The following FBXW8 variants were observed in gnomAD, a reference collection of about 807,000 sequenced individuals.
FBXW8 encodes F-box and WD repeat domain containing 8.
FBXW8 carries 57 observed loss-of-function variants against 65.3 expected under a neutral mutation model. The ratio of observed to expected loss-of-function variants is 0.87; its 90% CI spans 0.71 to 1.09. The LOEUF (loss-of-function observed/expected upper bound fraction) is 1.09. Among genes scored for constraint, FBXW8 ranks in the 50% least tolerant of loss-of-function variants. The pLI, the probability that FBXW8 is intolerant of heterozygous loss-of-function variation, is 0.00. For missense variants in FBXW8, 777 were observed against 814.8 expected (o/e 0.95, Z 0.57); for synonymous variants, 308 against 330.2 (o/e 0.93, Z 0.73).
chr12:116,926,165 C>G (rs1369148548), intron 1 of FBXW8, among the ~76,000 whole-genome samples: 1 of 152,182 alleles, frequency 6.6e-6, no homozygotes, highest in African/African-American at 2.4e-5. Context: ...GCATCAAGTC[C>G]AGACACCAGT....
At chr12:116,978,746 T>C (rs1245419721) in intron 5 of FBXW8, 2 of 152,198 alleles carry the variant, frequency 1.3e-5, no homozygotes, top group African/African-American at 4.8e-5. Flanking sequence ...TTCGAAACTG[T>C]TAACCTGTTT....
rs143228055 is a variant in FBXW8, at chr12:116,926,924, T to C, written c.319-1099T>C. ...GTCTAAATCAGTGCTTGGACTCCCT[T>C]AAAAACATTGAGGTGATTTTTTTTT... On this transcript the variant is annotated intron_variant, in intron 1 of 10. Transcript: ENST00000652555. 3.3e-5 allele frequency among the ~76,000 whole-genome samples: 5 copies of C among 152,290 alleles called. No individual in the cohort carries two copies. In the East Asian group the frequency reaches 7.7e-4, roughly 23 times the overall value.
intron 8 of FBXW8, among the ~76,000 whole-genome samples, chr12:117,022,356 A>G (rs559218453): frequency 1.8e-5 from 2 of 113,690 alleles, no homozygotes; most frequent in South Asian, 6.6e-4. Flanking sequence ...AGAAACTATT[A>G]AAAAAAAAAA....
At chr12:116,956,179 C>A (rs1274854605) in intron 4 of FBXW8, among the ~76,000 whole-genome samples, 1 of 152,038 alleles carries the variant, frequency 6.6e-6, no homozygotes, top group Admixed American at 6.6e-5. Context: ...AATATTTTCT[C>A]CCCTGGTTTC....
At position 117,028,110 on chromosome 12, in the gene FBXW8, T is replaced by G; in HGVS notation, c.1735T>G (p.Cys579Gly). ...QSPLPVCRSS[C>G]DAMATHYYDL... Reference sequence around the variant, plus strand: ...CCCTCTCCCTGTCTGCCGTTCATCCTGTGACGCCATGGCCACTCACTACTA... The same window carrying G: ...CCCTCTCCCTGTCTGCCGTTCATCCGGTGACGCCATGGCCACTCACTACTA... The change falls in exon 11 of 11, where the codon TGT (cysteine) becomes GGT (glycine). Residue 579 changes from cysteine to glycine, a missense_variant. Physicochemically the swap from Cys to Gly is radical, Grantham distance 159. Transcript: ENST00000652555. The surrounding 1 kb of genome is among the most constrained non-coding windows in gnomAD (Gnocchi z 4.1). 1 of 1,614,196 alleles carries G rather than the reference T, an allele frequency of 6.2e-7. No individual in the cohort carries two copies. Among genetic ancestry groups the G allele is most frequent in the Non-Finnish European group, 8.5e-7 (1 of 1,180,022 alleles).
At chr12:116,999,361 A>G (rs10161456) in intron 7 of FBXW8, among the ~76,000 whole-genome samples, 4,213 of 152,268 alleles carry the variant, frequency 0.028, 174 homozygotes, top group African/African-American at 0.093. Context: ...ACTGGCCCCA[A>G]ACTGAATTCC....
chr12:116,984,457 A>G (rs941458479), intron 5 of FBXW8, among the ~76,000 whole-genome samples: 5 of 152,214 alleles, frequency 3.3e-5, no homozygotes, highest in Non-Finnish European at 7.3e-5. Context: ...GGGATATTGA[A>G]GCACAGGTTT....
At chr12:116,982,301 G>A (rs1260404820) in intron 5 of FBXW8, among the ~76,000 whole-genome samples, 1 of 152,172 alleles carries the variant, frequency 6.6e-6, no homozygotes, top group African/African-American at 2.4e-5. Context: ...GAAAAGATGG[G>A]AGAAGTTCTG....
intron 2 of FBXW8, among the ~76,000 whole-genome samples, chr12:116,934,438 CT>C (rs74848079): frequency 0.029 from 4,352 of 152,108 alleles, 181 homozygotes; most frequent in East Asian, 0.19. Context: ...TTATGTTCAT[CT>C]TTTTTTGTGC....
At chr12:117,018,641 A>G (rs908084263) in intron 8 of FBXW8, among the ~76,000 whole-genome samples, 1 of 152,252 alleles carries the variant, frequency 6.6e-6, no homozygotes, top group Non-Finnish European at 1.5e-5. Flanking sequence ...AGATGTCAGA[A>G]AAATGTTTTT....
intron 4 of FBXW8, among the ~76,000 whole-genome samples, chr12:116,955,585 C>T (rs1425539023): frequency 6.6e-6 from 1 of 152,186 alleles, no homozygotes; most frequent in African/African-American, 2.4e-5. Flanking sequence ...GCTCAGGAAA[C>T]ATGTCTTTTG....
chr12:116,995,402 G>A (rs1953351715), intron 7 of FBXW8, among the ~76,000 whole-genome samples: 1 of 152,158 alleles, frequency 6.6e-6, no homozygotes, highest in African/African-American at 2.4e-5. Context: ...CTGTGGAGTT[G>A]TGTTGAGCCA....
At chr12:117,003,335 C>T (rs141628750) in intron 7 of FBXW8, among the ~76,000 whole-genome samples, 9 of 152,342 alleles carry the variant, frequency 5.9e-5, no homozygotes, top group Non-Finnish European at 8.8e-5. Flanking sequence ...TCCAAAGGAG[C>T]TTCTGTTCCT....
intron 6 of FBXW8, chr12:116,986,488 C>CGTG (rs1309673319): frequency 6.6e-6 from 1 of 152,038 alleles, no homozygotes; most frequent in Non-Finnish European, 1.5e-5. Flanking sequence ...ATTAGCCGGG[C>CGTG]GTGGTGGTGG....
At chr12:117,005,790 G>C (rs1953660081) in intron 7 of FBXW8, among the ~76,000 whole-genome samples, 1 of 152,234 alleles carries the variant, frequency 6.6e-6, no homozygotes, top group South Asian at 2.1e-4. Context: ...TCTGGCCTCT[G>C]ATCACAACTT....
intron 2 of FBXW8, among the ~76,000 whole-genome samples, chr12:116,939,811 C>G (rs1328717420): frequency 1.3e-5 from 2 of 152,196 alleles, no homozygotes; most frequent in African/African-American, 4.8e-5. Flanking sequence ...TGCTCTGGGA[C>G]TACTCAGGTT....
chr12:117,027,676 G>C (rs550390088), intron 10 of FBXW8, among the ~76,000 whole-genome samples, 172 bp downstream of exon 10: 1 of 152,124 alleles, frequency 6.6e-6, no homozygotes, highest in Admixed American at 6.5e-5. Flanking sequence ...TGAGCACCCA[G>C]CATCTGATGC....
At chr12:116,922,018 C>T (rs1257623428) in intron 1 of FBXW8, among the ~76,000 whole-genome samples, 1 of 151,896 alleles carries the variant, frequency 6.6e-6, no homozygotes, top group Non-Finnish European at 1.5e-5. Context: ...TGTCTAGAGA[C>T]AGTGTCTCAC....
chr12:116,977,504 T>TGC (rs1885027319), intron 5 of FBXW8: 1 of 152,222 alleles, frequency 6.6e-6, no homozygotes. Context: ...AATAGCATGA[T>TGC]GCACCCCCGT....
Sources: gnomAD v4.1 joint callset for allele counts (sites outside exome capture counted in the v4.1 genomes callset) on GRCh38, gnomAD v4.1.1 for gene constraint, Gnocchi (gnomAD v3.1) non-coding constraint, MANE v1.5 for transcripts, NCBI Gene and HGNC (gene_info 2026-07-23, HGNC 2026-07-21) for gene names.